Variants in OLFM3 observed in about 807,000 individuals in gnomAD.
OLFM3 encodes the protein noelin-3.
OLFM3 carries 20 observed loss-of-function variants against 48.6 expected under a neutral mutation model. The ratio of observed to expected loss-of-function variants is 0.41; its 90% confidence interval spans 0.29 to 0.60. The LOEUF (loss-of-function observed/expected upper bound fraction) is 0.60, where lower values mean the gene tolerates loss of function less well. Among genes scored for constraint, OLFM3 ranks in the 20% least tolerant of loss-of-function variants. The pLI is 0.28. For synonymous variants in OLFM3, 222 were observed against 198.1 expected (o/e 1.12, Z -1.01); for missense variants, 437 against 544.3 (o/e 0.80, Z 1.96).
At chr1:101,894,971 G>A (rs1658143994) in intron 1 of OLFM3, among the ~76,000 whole-genome samples, 1 of 152,118 alleles carries the variant, frequency 6.6e-6, no homozygotes, top group South Asian at 2.1e-4. Context: ...CAGGGGACAT[G>A]ATCCCAGTAA....
intron 4 of OLFM3, chr1:101,813,108 G>A: frequency 2.3e-6 from 3 of 1,289,998 alleles, no homozygotes; most frequent in Non-Finnish European, 3.0e-6. Flanking sequence ...TCTCCTTTCT[G>A]TTGCCTTTTT....
At chr1:101,830,972 C>A in intron 2 of OLFM3, 145 bp from the exon 3 acceptor site, 1 of 642,188 alleles carries the variant, frequency 1.6e-6, no homozygotes, top group Non-Finnish European at 2.6e-6. Flanking sequence ...TTCAGAAGAA[C>A]AATTCTTCAT....
At chr1:101,904,592 A>T (rs1303897546) in intron 1 of OLFM3, among the ~76,000 whole-genome samples, 2 of 152,108 alleles carry the variant, frequency 1.3e-5, no homozygotes, top group African/African-American at 4.8e-5. Flanking sequence ...AGTGGTTGAT[A>T]AATACATGAA....
At chr1:101,960,831 A>G (rs956197953) in intron 1 of OLFM3, among the ~76,000 whole-genome samples, 2 of 152,134 alleles carry the variant, frequency 1.3e-5, no homozygotes, top group African/African-American at 4.8e-5. Context: ...AATAGCATCC[A>G]TCGTTAACCA....
chr1:101,859,324 C>T (rs1021783405), intron 1 of OLFM3, among the ~76,000 whole-genome samples: 2 of 151,852 alleles, frequency 1.3e-5, no homozygotes, highest in African/African-American at 4.8e-5. Context: ...AGGGAGTGGG[C>T]GAGGAGTGAG....
chr1:101,866,392 C>T (rs1656857880), intron 1 of OLFM3, among the ~76,000 whole-genome samples: 1 of 150,700 alleles, frequency 6.6e-6, no homozygotes, highest in Admixed American at 6.6e-5. Context: ...TCAAACACTG[C>T]AATTTATGTA....
At chr1:101,865,070 A>G (rs1032568473) in intron 1 of OLFM3, among the ~76,000 whole-genome samples, 7 of 152,088 alleles carry the variant, frequency 4.6e-5, no homozygotes, top group African/African-American at 1.7e-4. Context: ...CAGACCTTCA[A>G]AGTTGATTAG....
intron 1 of OLFM3, among the ~76,000 whole-genome samples, chr1:101,970,949 A>G (rs1325217923): frequency 1.1e-5 from 1 of 87,068 alleles, no homozygotes; most frequent in African/African-American, 3.3e-5. Context: ...TATAAAATGC[A>G]CGTAGCTGAG....
In OLFM3 at chr1:101,830,681, C is replaced by A. The variant is rs1192248321; in HGVS notation, c.363G>T (p.Lys121Asn). ...CAGAAGTCAAACCTACCTGAAAATG[C>A]TTGGTCATAAGTGTCTTTCGATCAT... ...IEDDRKTLMT[K>N]HFQELKEKMD... Residue 121 changes from lysine (K) to asparagine (N), a missense_variant, in exon 3 of 6, where the codon AAG (lysine) becomes AAT (asparagine). By Grantham distance (94) the Lys-to-Asn change is moderately conservative (BLOSUM62 0). Coordinates refer to ENST00000370103, the MANE Select transcript of OLFM3 (RefSeq NM_058170.4). 6.2e-7 allele frequency: 1 copy of A among 1,614,126 alleles called. No individual in the cohort carries two copies. The highest frequency in any genetic ancestry group is 8.5e-7 in the Non-Finnish European group (1 of 1,180,002).
intron 4 of OLFM3, among the ~76,000 whole-genome samples, chr1:101,815,664 C>T (rs1052723709): frequency 6.6e-6 from 1 of 151,942 alleles, no homozygotes; most frequent in African/African-American, 2.4e-5. Flanking sequence ...TCCAGCTAGA[C>T]AGATTGTAGT....
chr1:101,897,123 T>G (rs1490359815), intron 1 of OLFM3, among the ~76,000 whole-genome samples: 1 of 152,134 alleles, frequency 6.6e-6, no homozygotes, highest in Non-Finnish European at 1.5e-5. Context: ...TGCAGGTGTG[T>G]GTGTGTTTCA....
At chr1:101,934,286 A>T (rs899473446) in intron 1 of OLFM3, among the ~76,000 whole-genome samples, 3 of 152,126 alleles carry the variant, frequency 2.0e-5, no homozygotes, top group Non-Finnish European at 2.9e-5. Flanking sequence ...AAAGCTAATT[A>T]AAAAAATTAA....
At chr1:101,814,568 G>A (rs1227740799) in intron 4 of OLFM3, among the ~76,000 whole-genome samples, 3 of 152,088 alleles carry the variant, frequency 2.0e-5, no homozygotes, top group African/African-American at 7.2e-5. Flanking sequence ...GGACATTTAG[G>A]CATTTAGTTT....
intron 1 of OLFM3, among the ~76,000 whole-genome samples, chr1:101,958,843 A>ATG (rs1660381018): frequency 6.7e-6 from 1 of 148,372 alleles, no homozygotes; most frequent in Non-Finnish European, 1.5e-5. Context: ...TATTATATAT[A>ATG]TATATATATA....
intron 3 of OLFM3, among the ~76,000 whole-genome samples, chr1:101,826,760 G>A (rs930708821): frequency 1.3e-5 from 2 of 152,116 alleles, no homozygotes; most frequent in Non-Finnish European, 2.9e-5. Flanking sequence ...ACTTATTAAA[G>A]TATCTTGTGG....
At chr1:101,818,724 A>G (rs751415165) in intron 4 of OLFM3, among the ~76,000 whole-genome samples, 4 of 152,156 alleles carry the variant, frequency 2.6e-5, no homozygotes, top group Non-Finnish European at 5.9e-5. Context: ...GTTGGCAATG[A>G]CAACAAACAT....
At chr1:101,857,407 C>T (rs1274042650) in intron 1 of OLFM3, among the ~76,000 whole-genome samples, 2 of 151,858 alleles carry the variant, frequency 1.3e-5, no homozygotes, top group East Asian at 3.9e-4. Flanking sequence ...TATAAATTTA[C>T]ACATAATGAG....
chr1:101,941,479 T>C (rs1659794289), intron 1 of OLFM3, among the ~76,000 whole-genome samples: 1 of 152,026 alleles, frequency 6.6e-6, no homozygotes, highest in Admixed American at 6.6e-5. Flanking sequence ...TTGCGGAAAA[T>C]AAGTTCATGA....
At chr1:101,814,211 T>C (rs947771652) in intron 4 of OLFM3, among the ~76,000 whole-genome samples, 14 of 152,192 alleles carry the variant, frequency 9.2e-5, no homozygotes, top group East Asian at 3.9e-4. Flanking sequence ...AAAGAACAGC[T>C]TTTGTATGTG....
Sources: allele counts gnomAD v4.1 joint callset (sites outside exome capture counted in the v4.1 genomes callset), GRCh38; gene constraint gnomAD v4.1.1; transcripts MANE v1.5; gene names NCBI Gene and HGNC (gene_info 2026-07-23, HGNC 2026-07-21).